The following PPP6R2 variants were observed in gnomAD, a reference collection of about 807,000 sequenced individuals.
PPP6R2 encodes protein phosphatase 6 regulatory subunit 2.
In PPP6R2, 62 loss-of-function variants were observed where a neutral mutation model predicts 100.2. That is an observed-to-expected ratio of 0.62 (90% CI 0.50 to 0.76). The LOEUF (loss-of-function observed/expected upper bound fraction) is 0.76. PPP6R2 is among the 30% of genes least tolerant of loss of function. The pLI, the probability that PPP6R2 is intolerant of heterozygous loss-of-function variation, is 0.00. For synonymous variants in PPP6R2, 525 were observed against 514.7 expected (o/e 1.02, Z -0.27); for missense variants, 1,142 against 1,276.3 (o/e 0.89, Z 1.60).
intron 2 of PPP6R2, among the ~76,000 whole-genome samples, chr22:50,388,659 G>A (rs2054775443): frequency 6.6e-6 from 1 of 151,962 alleles, no homozygotes; most frequent in African/African-American, 2.4e-5. Flanking sequence ...AGATCACAAG[G>A]TCAGGAGTTC....
intron 3 of PPP6R2, among the ~76,000 whole-genome samples, chr22:50,406,306 G>A (rs1211163806): frequency 6.9e-6 from 1 of 144,452 alleles, no homozygotes; most frequent in African/African-American, 2.6e-5. Flanking sequence ...GAGGTGAGAG[G>A]CCTGGAGAGA....
At chr22:50,357,982 C>T (rs1403160205) in intron 1 of PPP6R2, among the ~76,000 whole-genome samples, 4 of 151,906 alleles carry the variant, frequency 2.6e-5, no homozygotes, top group Admixed American at 6.6e-5. Context: ...GACACGGTCT[C>T]GCTTTGTTGC....
intron 1 of PPP6R2, among the ~76,000 whole-genome samples, chr22:50,354,341 G>A (rs2045985352): frequency 6.6e-6 from 1 of 152,020 alleles, no homozygotes; most frequent in African/African-American, 2.4e-5. Context: ...AAATGCCTGG[G>A]ACTAGAGATG....
chr22:50,378,734 G>T (rs938721904), intron 2 of PPP6R2, among the ~76,000 whole-genome samples: 4 of 151,436 alleles, frequency 2.6e-5, no homozygotes, highest in African/African-American at 7.3e-5. Context: ...AAAAAAATTA[G>T]CTGGGCCTGG....
chr22:50,333,046 G>A, the PPP6R2 span, among the ~76,000 whole-genome samples: 1 of 152,158 alleles, frequency 6.6e-6, no homozygotes, highest in Non-Finnish European at 1.5e-5. Context: ...GGCTGAAGCA[G>A]GAGGATCACC....
chr22:50,394,110 G>A lies in PPP6R2; in HGVS notation c.202G>A (p.Asp68Asn). 1 of 1,614,124 alleles carries A rather than the reference G, an allele frequency of 6.2e-7. No homozygotes were observed. The highest frequency in any genetic ancestry group is 8.5e-7 in the Non-Finnish European group (1 of 1,180,012). ...CCTCATCACACAGGATCCGCCCCTG[G>A]ACATGGAGGAGAAGGTCCGCTTCAA... is the stretch of plus-strand genomic sequence containing the variant. ...VSLITQDPPL[D>N]MEEKVRFKYP... The change falls in exon 3 of 24, where the codon GAC (aspartate) becomes AAC (asparagine). Residue 68 changes from aspartate to asparagine, a missense_variant. Asp to Asn is a conservative substitution (Grantham distance 23, BLOSUM62 1). Transcript: ENST00000612753.
At chr22:50,383,785 G>T (rs1460343539) in intron 2 of PPP6R2, among the ~76,000 whole-genome samples, 2 of 152,032 alleles carry the variant, frequency 1.3e-5, no homozygotes, top group Admixed American at 1.3e-4. Flanking sequence ...GACTGTAATT[G>T]CAGCACTTTG....
intron 2 of PPP6R2, among the ~76,000 whole-genome samples, chr22:50,374,625 AACAAACCCAGCCAGGTG>A (rs1272534348): frequency 6.6e-6 from 1 of 152,170 alleles, no homozygotes; most frequent in Non-Finnish European, 1.5e-5. Flanking sequence ...TTTAGAAAAA[AACAAACCCAGCCAGGTG>A]CAGTAGTTCA....
At chr22:50,337,488 TGTG>T in the PPP6R2 span, among the ~76,000 whole-genome samples, 1 of 137,688 alleles carries the variant, frequency 7.3e-6, no homozygotes, top group Non-Finnish European at 1.6e-5. Flanking sequence ...TTGTCTGCGA[TGTG>T]TGGTGTGTGT....
At chr22:50,384,827 A>G (rs1241751905) in intron 2 of PPP6R2, among the ~76,000 whole-genome samples, 1 of 151,964 alleles carries the variant, frequency 6.6e-6, no homozygotes, top group Non-Finnish European at 1.5e-5. Flanking sequence ...TGCAGCTTCA[A>G]CCTCCTGGGC....
At position 50,438,749 on chromosome 22, in the gene PPP6R2, G is replaced by A. The variant is rs1256393622; in HGVS notation, c.2115G>A (p.Glu705=). The stretch of plus-strand genomic sequence containing the variant: ...GGAAGAAGGAAGCGCCCCCTGTGGA[G>A]GGTGACTCAGAAGGTGGTGCTGGGC... ...APGKKEAPPV[E]GDSEGAMWTA... Residue 705 remains glutamate (E), a synonymous_variant, in exon 19 of 24, where the codon GAG becomes GAA. Coordinates refer to ENST00000612753, the MANE Select transcript of PPP6R2 (RefSeq NM_001242898.2). 1.3e-6 allele frequency: 2 copies of A among 1,598,194 alleles called. No homozygotes were observed. The highest frequency in any genetic ancestry group is 1.7e-6 in the Non-Finnish European group (2 of 1,172,636).
chr22:50,431,790 G>C lies in PPP6R2; in HGVS notation c.1335+408G>C, dbSNP rs2063193869. 6.6e-6 allele frequency among the ~76,000 whole-genome samples: 1 copy of C among 152,180 alleles called. No individual in the cohort carries two copies. The highest frequency in any genetic ancestry group is 1.5e-5 in the Non-Finnish European group (1 of 68,036). On this transcript the variant is annotated intron_variant, in intron 11 of 23. Coordinates refer to ENST00000612753, the MANE Select transcript of PPP6R2 (RefSeq NM_001242898.2). This position sits in a 1 kb window ranked among gnomAD's most constrained non-coding sequence, Gnocchi z 4.8. ...CTGTCACCCGGATAGCAAGGCCACAGGTATATCGTAGTGTGAGGTGGAGCC... is the reference window on the plus strand; with the variant it reads ...CTGTCACCCGGATAGCAAGGCCACACGTATATCGTAGTGTGAGGTGGAGCC...
At chr22:50,415,372 G>C (rs1362395868) in intron 5 of PPP6R2, among the ~76,000 whole-genome samples, 1 of 152,212 alleles carries the variant, frequency 6.6e-6, no homozygotes, top group African/African-American at 2.4e-5. Flanking sequence ...TGCTTCCTCA[G>C]GGAGGAGCTT....
chr22:50,341,707 A>C (rs1033751750), upstream of PPP6R2, among the ~76,000 whole-genome samples: 1 of 150,692 alleles, frequency 6.6e-6, no homozygotes, highest in African/African-American at 2.4e-5. Flanking sequence ...AGAGGAGGAG[A>C]GGGCTGGCCG....
intron 1 of PPP6R2, among the ~76,000 whole-genome samples, chr22:50,367,809 TAAAGC>T (rs1010614720): frequency 3.9e-5 from 6 of 152,036 alleles, no homozygotes; most frequent in East Asian, 1.9e-4. Flanking sequence ...AATAAAGACA[TAAAGC>T]AAAGAGATAG....
Position 50,439,943 on chromosome 22 carries a change from C to A in PPP6R2, c.2286-18C>A. The A allele has an allele frequency of 6.2e-7, 1 of 1,612,714 alleles. No homozygotes were observed. The highest frequency in any genetic ancestry group is 1.3e-5 in the African/African-American group (1 of 75,058). On this transcript the variant is annotated intron_variant, in intron 20 of 23. Transcript: ENST00000612753. ...ACCTGTCCCCCAGGACTGATCCTGTCCTCGTCCTTGTATGCAGCTCCGAGT... is the reference window on the plus strand; with the variant it reads ...ACCTGTCCCCCAGGACTGATCCTGTACTCGTCCTTGTATGCAGCTCCGAGT...
At chr22:50,428,840 G>A (rs1488103092) in intron 10 of PPP6R2, among the ~76,000 whole-genome samples, 1 of 152,114 alleles carries the variant, frequency 6.6e-6, no homozygotes, top group Non-Finnish European at 1.5e-5. Context: ...GCTCTGGCTG[G>A]GACTGCTAAG....
intron 4 of PPP6R2, among the ~76,000 whole-genome samples, chr22:50,409,206 A>T (rs536699493): frequency 6.6e-6 from 1 of 152,272 alleles, no homozygotes; most frequent in East Asian, 1.9e-4. Context: ...GGAGTAGCCT[A>T]AAGGTGGGGC....
At chr22:50,339,303 G>A (rs1414302390), upstream of PPP6R2, among the ~76,000 whole-genome samples, 2 of 123,550 alleles carry the variant, frequency 1.6e-5, no homozygotes, top group African/African-American at 7.2e-5. Flanking sequence ...GTGGTATGTG[G>A]TGTGTGTTGT....
Sources: allele counts gnomAD v4.1 joint callset (sites outside exome capture counted in the v4.1 genomes callset), GRCh38; gene constraint gnomAD v4.1.1; non-coding constraint Gnocchi (gnomAD v3.1); transcripts MANE v1.5; gene names NCBI Gene and HGNC (gene_info 2026-07-23, HGNC 2026-07-21).